SLC30A5: variants seen among roughly 807,000 people sequenced by gnomAD.
The protein encoded by SLC30A5 is proton-coupled zinc antiporter SLC30A5.
Under a neutral mutation model 79.6 loss-of-function variants are expected in SLC30A5, and 33 were observed. The ratio of observed to expected loss-of-function variants is 0.41; its 90% CI spans 0.31 to 0.55. The LOEUF (loss-of-function observed/expected upper bound fraction) is 0.55, where lower values mean the gene tolerates loss of function less well. SLC30A5 is among the 20% of genes least tolerant of loss of function. SLC30A5 has a pLI of 0.20. For missense variants in SLC30A5, 788 were observed against 928.1 expected (o/e 0.85, Z 1.96); for synonymous variants, 299 against 319.7 (o/e 0.94, Z 0.69).
chr5:69,120,710 G>T (rs947754749), intron 12 of SLC30A5, among the ~76,000 whole-genome samples: 1 of 151,880 alleles, frequency 6.6e-6, no homozygotes, highest in Non-Finnish European at 1.5e-5. Context: ...GGAGTCAAAT[G>T]GTCCGAATCA....
chr5:69,122,571 T>C (rs1746565472), intron 13 of SLC30A5, among the ~76,000 whole-genome samples: 1 of 152,188 alleles, frequency 6.6e-6, no homozygotes, highest in South Asian at 2.1e-4. Flanking sequence ...CGAGAATCAC[T>C]TGAACCTGGG....
Position 69,117,311 on chromosome 5 carries a change from ATGCTTTTTGACTGCTC to A in SLC30A5, c.1361_1376del (p.Phe454Ter). 1 of 1,613,810 alleles carries A rather than the reference ATGCTTTTTGACTGCTC, an allele frequency of 6.2e-7. No homozygotes were observed. The highest frequency in any genetic ancestry group is 8.5e-7 in the Non-Finnish European group (1 of 1,179,928). On this transcript the variant is annotated frameshift_variant, in exon 11 of 16. Coordinates refer to ENST00000396591, the MANE Select transcript of SLC30A5 (RefSeq NM_022902.5). LOFTEE classifies it high-confidence loss of function. ...GGGCCTGATCTCGGATGGATTCCAC[ATGCTTTTTGACTGCTC>A]TGCTTTAGTCATGGGACTTTTTGCT...
chr5:69,120,274 C>G (rs530193411), intron 12 of SLC30A5, among the ~76,000 whole-genome samples: 3 of 151,342 alleles, frequency 2.0e-5, no homozygotes, highest in African/African-American at 7.3e-5. Context: ...ATCCCAGCTG[C>G]TTGGGTGGCT....
intron 14 of SLC30A5, among the ~76,000 whole-genome samples, chr5:69,123,691 A>C (rs566229809): frequency 6.6e-6 from 1 of 152,298 alleles, no homozygotes; most frequent in African/African-American, 2.4e-5. Flanking sequence ...TCTTTATTAT[A>C]ATGATGTTGA....
chr5:69,101,975 A>G (rs913977359), intron 2 of SLC30A5, among the ~76,000 whole-genome samples: 2 of 149,706 alleles, frequency 1.3e-5, no homozygotes, highest in Admixed American at 6.7e-5. Context: ...AACAAAAACA[A>G]CACTCTTCGA....
intron 13 of SLC30A5, 48 bp downstream of exon 13, chr5:69,121,943 C>T: frequency 2.8e-6 from 4 of 1,446,682 alleles, no homozygotes; most frequent in Non-Finnish European, 3.8e-6. Flanking sequence ...TGTTCTAAAT[C>T]AACCCTCTGT....
intron 12 of SLC30A5, among the ~76,000 whole-genome samples, chr5:69,120,139 A>C (rs1043900026): frequency 2.6e-5 from 4 of 152,106 alleles, no homozygotes; most frequent in African/African-American, 9.7e-5. Flanking sequence ...TGTTATCTAT[A>C]TAATAGAATA....
intron 2 of SLC30A5, among the ~76,000 whole-genome samples, chr5:69,101,595 A>C (rs1264028060): frequency 1.3e-5 from 2 of 151,778 alleles, no homozygotes; most frequent in Non-Finnish European, 2.9e-5. Flanking sequence ...AGAAATTCTA[A>C]ATAAAGATTT....
At chr5:69,121,989 T>C (rs1404689817) in intron 13 of SLC30A5, 94 bp downstream of exon 13, 3 of 1,018,600 alleles carry the variant, frequency 2.9e-6, no homozygotes, top group East Asian at 2.6e-5. Flanking sequence ...TCTGGTATGA[T>C]ATGATTTTTA....
At chr5:69,127,441 C>G (rs1712650992) in intron 14 of SLC30A5, among the ~76,000 whole-genome samples, 1 of 125,448 alleles carries the variant, frequency 8.0e-6, no homozygotes, top group African/African-American at 3.1e-5. Flanking sequence ...CCAGCCTGGG[C>G]AACATGGTGA....
At chr5:69,113,329 A>C in intron 6 of SLC30A5, 102 bp downstream of exon 6, 5 of 774,474 alleles carry the variant, frequency 6.5e-6, no homozygotes, top group Non-Finnish European at 1.0e-5. Context: ...CTGATCAATG[A>C]TGAATGAAAC....
At position 69,115,312 on chromosome 5, in the gene SLC30A5, G is replaced by C. The variant is rs374399556; in HGVS notation, c.688G>C (p.Asp230His). 1.9e-6 allele frequency: 3 copies of C among 1,613,794 alleles called. No homozygotes were observed. The highest frequency in any genetic ancestry group is 1.7e-5 in the Admixed American group (1 of 59,958). The change falls in exon 8 of 16, where the codon GAC becomes CAC. Residue 230 changes from aspartate to histidine, a missense_variant. Coordinates refer to ENST00000396591, the MANE Select transcript of SLC30A5 (RefSeq NM_022902.5). ...FHTASRKLSV[D>H]VGGAKRLQAL... ...TACAGCTTCCAGAAAGCTCTCTGTC[G>C]ACGTTGGTGGAGCTAAACGTCTTCA... is the stretch of plus-strand genomic sequence containing the variant.
At position 69,116,840 on chromosome 5, in the gene SLC30A5, C is replaced by A. The variant is rs1055952101; in HGVS notation, c.1281+238C>A. 5.3e-5 allele frequency among the ~76,000 whole-genome samples: 8 copies of A among 152,136 alleles called. No individual in the cohort carries two copies. The highest frequency in any genetic ancestry group is 1.2e-4 in the Non-Finnish European group (8 of 68,028). ...AACAATTTGTGAGGCATTTTAGAAG[C>A]ATTGATTTAGTATGTTCCTTCAAAT... On this transcript the variant is annotated intron_variant, in intron 10 of 15. Transcript: ENST00000396591. The surrounding 1 kb of genome is among the most constrained non-coding windows in gnomAD (Gnocchi z 4.0).
intron 14 of SLC30A5, among the ~76,000 whole-genome samples, chr5:69,126,082 G>GAAT (rs1746679524): frequency 6.6e-6 from 1 of 151,810 alleles, no homozygotes; most frequent in Non-Finnish European, 1.5e-5. Context: ...AATAAGATGA[G>GAAT]AATATAAACC....
chr5:69,103,074 T>C lies in SLC30A5; in HGVS notation c.219T>C (p.Phe73=). ...TCAATATTTACAGGACTGCATTTTT[T>C]ATGGTTTTGTTTCAAAAGCCATTTT... ...IFILKLGTAF[F]MVLFQKPFSS... The change falls in exon 3 of 16, where the codon TTT becomes TTC. Residue 73 remains phenylalanine, a synonymous_variant. Transcript: ENST00000396591. The C allele has an allele frequency of 6.4e-7, 1 of 1,557,678 alleles. No individual in the cohort carries two copies.
At chr5:69,097,412 G>C (rs1455904697) in intron 1 of SLC30A5, among the ~76,000 whole-genome samples, 1 of 152,146 alleles carries the variant, frequency 6.6e-6, no homozygotes, top group African/African-American at 2.4e-5. Flanking sequence ...ACTGCGCCCT[G>C]CTCTTTCTTC....
chr5:69,122,214 T>C (rs1746555511), intron 13 of SLC30A5, among the ~76,000 whole-genome samples: 2 of 152,150 alleles, frequency 1.3e-5, no homozygotes, highest in African/African-American at 2.4e-5. Flanking sequence ...CTGGCCAATA[T>C]GGTGAAACCC....
chr5:69,127,905 C>G (rs1384900602), intron 14 of SLC30A5, 99 bp from the exon 15 acceptor site: 1 of 1,020,624 alleles, frequency 9.8e-7, no homozygotes, highest in East Asian at 2.5e-5. Context: ...TGATCCTGGA[C>G]CAAGGAATCT....
At chr5:69,103,041 T>C (rs1160157552) in intron 2 of SLC30A5, 21 bp from the exon 3 acceptor site, 8 of 1,255,632 alleles carry the variant, frequency 6.4e-6, no homozygotes, top group Non-Finnish European at 9.2e-6. Context: ...TATTAATATA[T>C]TAATGTTTCA....
Sources: gnomAD v4.1 joint callset for allele counts (sites outside exome capture counted in the v4.1 genomes callset) on GRCh38, gnomAD v4.1.1 for gene constraint, Gnocchi (gnomAD v3.1) non-coding constraint, MANE v1.5 for transcripts, NCBI Gene and HGNC (gene_info 2026-07-23, HGNC 2026-07-21) for gene names.